Variants in PALMD observed in about 807,000 individuals in gnomAD.
PALMD encodes paralemmin-like protein.
A neutral mutation model predicts 56.2 loss-of-function variants in PALMD; 42 were observed. The ratio of observed to expected loss-of-function variants is 0.75; its 90% CI spans 0.58 to 0.97. The LOEUF (loss-of-function observed/expected upper bound fraction) is 0.97, where lower values mean the gene tolerates loss of function less well. Ranked by LOEUF, PALMD falls within the 50% of genes least tolerant of loss-of-function variation. The pLI is 0.00. For synonymous variants in PALMD, 242 were observed against 222.9 expected (o/e 1.09, Z -0.76); for missense variants, 660 against 643.8 (o/e 1.03, Z -0.27).
chr1:99,680,634 G>A (rs1237417699), intron 3 of PALMD, among the ~76,000 whole-genome samples: 1 of 152,126 alleles, frequency 6.6e-6, no homozygotes, highest in Non-Finnish European at 1.5e-5. Context: ...GGGGACGGCA[G>A]CACTTATGGA....
At position 99,689,661 on chromosome 1, in the gene PALMD, T is replaced by G. The variant is rs767274997; in HGVS notation, c.1401T>G (p.Ala467=). 1.9e-5 allele frequency: 30 copies of G among 1,613,368 alleles called. No individual in the cohort carries two copies. In the African/African-American group the frequency reaches 3.6e-4, roughly 19 times the overall value. The stretch of plus-strand genomic sequence containing the variant: ...AGAAACCGTCCTACCACCCCATAGC[T>G]CCCCATAGTCAGGTGTACCAGCCAG... ...EAEKPSYHPI[A]PHSQVYQPAK... is the part of the protein sequence containing the mutation. Residue 467 remains alanine (A), a synonymous_variant, in exon 7 of 8, where the codon GCT becomes GCG. Coordinates refer to ENST00000263174, the MANE Select transcript of PALMD (RefSeq NM_017734.5).
Position 99,689,070 on chromosome 1 carries a change from A to G in PALMD, c.810A>G (p.Thr270=). Residue 270 remains threonine (T), a synonymous_variant, in exon 7 of 8, where the codon ACA becomes ACG. Coordinates refer to ENST00000263174, the MANE Select transcript of PALMD (RefSeq NM_017734.5). ...PVYANPFYRP[T]TPQRETVTPG... ...ATGCCAATCCCTTTTACAGGCCTAC[A>G]ACCCCACAGAGAGAAACGGTGACCC... The G allele has an allele frequency of 6.2e-7, 1 of 1,613,760 alleles. No homozygotes were observed. The highest frequency in any genetic ancestry group is 2.2e-5 in the East Asian group (1 of 44,868).
intron 6 of PALMD, 78 bp downstream of exon 6, chr1:99,687,267 A>T: frequency 6.9e-7 from 1 of 1,456,588 alleles, no homozygotes; most frequent in South Asian, 1.4e-5. Flanking sequence ...ACTTGCTATG[A>T]CATATTATTC....
At chr1:99,690,453 T>C (rs1323025444) in intron 7 of PALMD, among the ~76,000 whole-genome samples, 1 of 152,196 alleles carries the variant, frequency 6.6e-6, no homozygotes, top group Non-Finnish European at 1.5e-5. Flanking sequence ...TAACTTTGCA[T>C]AGTGTTCCCC....
intron 1 of PALMD, among the ~76,000 whole-genome samples, chr1:99,649,541 T>C (rs1652519291): frequency 6.6e-6 from 1 of 152,108 alleles, no homozygotes; most frequent in South Asian, 2.1e-4. Flanking sequence ...CCTACAGAGT[T>C]ACTGTCTGAA....
At chr1:99,669,696 T>A (rs1419739427) in intron 3 of PALMD, 1 of 152,232 alleles carries the variant, frequency 6.6e-6, no homozygotes, top group Non-Finnish European at 1.5e-5. Context: ...ATCCGAGTAT[T>A]AACCAGGACT....
In PALMD at chr1:99,688,860, T is replaced by C. The variant is rs1653587408; in HGVS notation, c.600T>C (p.Asp200=). 1 of 1,613,208 alleles carries C rather than the reference T, an allele frequency of 6.2e-7. No homozygotes were observed. Among genetic ancestry groups the C allele is most frequent in the African/African-American group, 1.3e-5 (1 of 74,874 alleles). ...TGTCTTCAATACCTCTGCCATCAGA[T>C]GACTTTAAAGGTACAGGAATAAAAG... ...TVLSSIPLPS[D]DFKGTGIKVY... The change falls in exon 7 of 8, where the codon GAT becomes GAC. Residue 200 remains aspartate, a synonymous_variant. Coordinates refer to ENST00000263174, the MANE Select transcript of PALMD (RefSeq NM_017734.5).
At chr1:99,657,714 C>T (rs1014012087) in intron 1 of PALMD, among the ~76,000 whole-genome samples, 2 of 152,194 alleles carry the variant, frequency 1.3e-5, no homozygotes, top group African/African-American at 2.4e-5. Context: ...AATCTATCCT[C>T]ACCTGGTTGT....
chr1:99,672,773 C>T (rs113737500), intron 3 of PALMD, among the ~76,000 whole-genome samples: 1,629 of 152,270 alleles, frequency 0.011, 28 homozygotes, highest in African/African-American at 0.037. Context: ...TGTAAAAGGT[C>T]AACTGCCGAG....
At chr1:99,691,565 A>C (rs1005513582) in intron 7 of PALMD, among the ~76,000 whole-genome samples, 2 of 152,210 alleles carry the variant, frequency 1.3e-5, no homozygotes, top group Non-Finnish European at 1.5e-5. Flanking sequence ...CCAATTCGGC[A>C]TACAGACTAC....
rs563349256 is a variant in PALMD, at chr1:99,656,738, C to A, written c.46-5581C>A. On this transcript the variant is annotated intron_variant, in intron 1 of 7. Coordinates refer to ENST00000263174, the MANE Select transcript of PALMD (RefSeq NM_017734.5). ...AGAGTTAGTGAGAACTAAAAAGAGC[C>A]CAGGACTGAGAATTAAGAAGATCTT... Among the ~76,000 whole-genome samples the A allele has an allele frequency of 2.3e-4, 35 of 152,172 alleles. 1 individual carries two copies. The highest frequency in any genetic ancestry group is 7.5e-4 in the African/African-American group (31 of 41,524).
chr1:99,656,295 A>G (rs1015687765), intron 1 of PALMD, among the ~76,000 whole-genome samples: 6 of 152,210 alleles, frequency 3.9e-5, no homozygotes, highest in African/African-American at 9.7e-5. Flanking sequence ...ATGGTAAAAT[A>G]TACTTTTACT....
chr1:99,654,480 T>C (rs1652668177), intron 1 of PALMD, among the ~76,000 whole-genome samples: 1 of 152,124 alleles, frequency 6.6e-6, no homozygotes, highest in Admixed American at 6.5e-5. Flanking sequence ...TGACATACTA[T>C]ATGTGATGAG....
Position 99,683,059 on chromosome 1 carries a change from AGAGAGAGAGAGAGAGAGAGAGAGAGAGAG to A in PALMD, c.252-3616_252-3588del, listed in dbSNP as rs1557673819. Among the ~76,000 whole-genome samples the A allele has an allele frequency of 2.0e-3, 32 of 16,226 alleles. 4 individuals are homozygous for A. The highest frequency in any genetic ancestry group is 5.8e-3 in the South Asian group (3 of 518). 10.6% of individuals were successfully genotyped at this position (16,226 alleles called of 152,430 possible). Reference sequence around the variant, plus strand: ...AAGAAAGAAAGAAAGAAAGAAAGAGAGAGAGAGAGAGAGAGAGAGAGAGAGAGAGAGAAAGAAAGAAAGAAAGAAAGAAA... The same window carrying A: ...AAGAAAGAAAGAAAGAAAGAAAGAGAAGAAAGAAAGAAAGAAAGAAAGAAA... On this transcript the variant is annotated intron_variant, in intron 3 of 7. Coordinates refer to ENST00000263174, the MANE Select transcript of PALMD (RefSeq NM_017734.5).
intron 7 of PALMD, among the ~76,000 whole-genome samples, chr1:99,690,863 T>C (rs1361588410): frequency 6.6e-6 from 1 of 152,158 alleles, no homozygotes; most frequent in Non-Finnish European, 1.5e-5. Flanking sequence ...AACTTGATAA[T>C]TCTATGGCAG....
Position 99,672,378 on chromosome 1 carries a change from C to A in PALMD, c.251+4612C>A, listed in dbSNP as rs1038100743. Among the ~76,000 whole-genome samples, 6 of 152,260 alleles carry A rather than the reference C, an allele frequency of 3.9e-5. No individual in the cohort carries two copies. The East Asian group carries it at 1.2e-3, about 29-fold the overall frequency. On this transcript the variant is annotated intron_variant, in intron 3 of 7. Transcript: ENST00000263174. ...CAATTTGCCTCCCAAAAGAGCCCTGCGCTTACTGCGACCACTGAACCATTT... is the reference window on the plus strand; with the variant it reads ...CAATTTGCCTCCCAAAAGAGCCCTGAGCTTACTGCGACCACTGAACCATTT...
At chr1:99,690,818 A>G (rs1265682026) in intron 7 of PALMD, among the ~76,000 whole-genome samples, 1 of 152,166 alleles carries the variant, frequency 6.6e-6, no homozygotes, top group Non-Finnish European at 1.5e-5. Flanking sequence ...ATTAAAAAGC[A>G]ATAAATATTA....
chr1:99,682,546 A>G (rs1653366004), intron 3 of PALMD, among the ~76,000 whole-genome samples: 2 of 152,148 alleles, frequency 1.3e-5, no homozygotes, highest in Non-Finnish European at 2.9e-5. Flanking sequence ...ATATTAGTCT[A>G]AAGAGATTCT....
Position 99,689,983 on chromosome 1 carries a change from C to A in PALMD, c.1612+111C>A, listed in dbSNP as rs978013497. The stretch of plus-strand genomic sequence containing the variant: ...TCTGACCACCTCATAAACTAATACG[C>A]ACTGAGATTTTTTTATTAATGCTGA... On this transcript the variant is annotated intron_variant, in intron 7 of 7. Transcript: ENST00000263174. The A allele has an allele frequency of 7.5e-6, 7 of 933,448 alleles. No individual in the cohort carries two copies. The African/African-American group carries it at 9.9e-5, about 13-fold the overall frequency. The allele number at this position is 933,448 out of a possible 1,614,324, so 57.8% of individuals were successfully genotyped here.
Sources: gnomAD v4.1 joint callset for allele counts (sites outside exome capture counted in the v4.1 genomes callset) on GRCh38, gnomAD v4.1.1 for gene constraint, MANE v1.5 for transcripts, NCBI Gene and HGNC (gene_info 2026-07-23, HGNC 2026-07-21) for gene names.